The following DDX5 variants were observed in gnomAD, a reference collection of about 807,000 sequenced individuals.
The protein encoded by DDX5 is probable ATP-dependent RNA helicase DDX5.
DDX5 carries 6 observed loss-of-function variants against 68.6 expected under a neutral mutation model. The observed-to-expected ratio is 0.09, with a 90% CI of 0.05 to 0.17. The LOEUF (loss-of-function observed/expected upper bound fraction) is 0.17, where lower values mean the gene tolerates loss of function less well. DDX5 is among the 10% of genes least tolerant of loss of function. DDX5 has a pLI of 1.00. For synonymous variants in DDX5, 350 were observed against 247.0 expected (o/e 1.42, Z -3.91); for missense variants, 499 against 756.1 (o/e 0.66, Z 3.99).
intron 1 of DDX5, 185 bp downstream of exon 1, chr17:64,505,891 C>T (rs2038483578): frequency 6.5e-7 from 1 of 1,535,760 alleles, no homozygotes; most frequent in Non-Finnish European, 8.7e-7. Context: ...GAAGACACTA[C>T]ACCGTCAAAT....
At position 64,499,163 on chromosome 17, in the gene DDX5, G is replaced by A. The variant is rs1287216191; in HGVS notation, c.*760C>T. Among the ~76,000 whole-genome samples, 1 of 152,162 alleles carries A rather than the reference G, an allele frequency of 6.6e-6. No individual in the cohort carries two copies. Among genetic ancestry groups the A allele is most frequent in the Non-Finnish European group, 1.5e-5 (1 of 68,030 alleles). ...TTTCACAGGTTTGTTCAACATTTCAGTAATTCACAGTATAGCCAAGAGCAT... is the reference window on the plus strand; with the variant it reads ...TTTCACAGGTTTGTTCAACATTTCAATAATTCACAGTATAGCCAAGAGCAT... On this transcript the variant is annotated 3_prime_UTR_variant, in exon 13 of 13. Transcript: ENST00000225792.
chr17:64,498,490 A>T lies in DDX5; in HGVS notation c.*1433T>A, dbSNP rs1195511943. 6.6e-6 allele frequency among the ~76,000 whole-genome samples: 1 copy of T among 152,190 alleles called. No homozygotes were observed. Among genetic ancestry groups the T allele is most frequent in the Non-Finnish European group, 1.5e-5 (1 of 68,036 alleles). On this transcript the variant is annotated 3_prime_UTR_variant, in exon 13 of 13. Coordinates refer to ENST00000225792, the MANE Select transcript of DDX5 (RefSeq NM_004396.5). ...CCCGAAAGCTGCTTCTAAGTTTAAAACCATGAATTTGACTAACCATGCCAT... is the reference window on the plus strand; with the variant it reads ...CCCGAAAGCTGCTTCTAAGTTTAAATCCATGAATTTGACTAACCATGCCAT...
upstream of DDX5, chr17:64,506,293 G>A (rs574974369): frequency 1.1e-5 from 17 of 1,522,848 alleles, no homozygotes; most frequent in African/African-American, 4.1e-5. Context: ...ATGAGGTGCC[G>A]GCCGCTTTCC....
chr17:64,506,773 A>C, upstream of DDX5: 1 of 516,404 alleles, frequency 1.9e-6, no homozygotes, highest in South Asian at 2.2e-5. Context: ...CGCTGCTCGC[A>C]CCCCGGGACC....
rs1430823667 is a variant in DDX5, at chr17:64,498,341, C to G, written c.*1582G>C. Among the ~76,000 whole-genome samples the G allele has an allele frequency of 1.3e-5, 2 of 152,160 alleles. No homozygotes were observed. The highest frequency in any genetic ancestry group is 1.3e-4 in the Admixed American group (2 of 15,282). On this transcript the variant is annotated 3_prime_UTR_variant, in exon 13 of 13. Coordinates refer to ENST00000225792, the MANE Select transcript of DDX5 (RefSeq NM_004396.5). The stretch of plus-strand genomic sequence containing the variant: ...AAAAGTGGACTGTCTTTTAAAACTT[C>G]CAAGGTAAATAGGTAAATGTTTTCC...
chr17:64,503,160 T>C (rs371265782), intron 7 of DDX5, 28 bp downstream of exon 7: 328 of 1,613,182 alleles, frequency 2.0e-4, no homozygotes, highest in Non-Finnish European at 1.1e-4. Context: ...ACAATTCAGT[T>C]TGATCACATA....
At chr17:64,506,497 C>T (rs1167367126), upstream of DDX5, 3 of 907,966 alleles carry the variant, frequency 3.3e-6, no homozygotes, top group East Asian at 3.5e-5. Context: ...CCTCATTCTG[C>T]ACTCTCTTGA....
At chr17:64,502,872 A>C in intron 8 of DDX5, 54 bp downstream of exon 8, 1 of 1,496,044 alleles carries the variant, frequency 6.7e-7, no homozygotes, top group South Asian at 1.3e-5. Context: ...ATGATCCCTC[A>C]ATTTTACAGC....
At position 64,500,145 on chromosome 17, in the gene DDX5, G is replaced by C; in HGVS notation, c.1623C>G (p.Thr541=). 1.2e-6 allele frequency: 2 copies of C among 1,614,154 alleles called. No individual in the cohort carries two copies. The highest frequency in any genetic ancestry group is 1.1e-5 in the South Asian group (1 of 91,084). Residue 541 remains threonine, a synonymous_variant, in exon 13 of 13, where the codon ACC becomes ACG. Coordinates refer to ENST00000225792, the MANE Select transcript of DDX5 (RefSeq NM_004396.5). ...QNGVYSAANY[T]NGSFGSNFVS... is the part of the protein sequence containing the mutation. ...CAAAATTACTTCCAAAGCTCCCATT[G>C]GTGTAATTTGCAGCACTGTAAACAC...
rs1555671793 is a variant in DDX5, at chr17:64,504,716, A to G, written c.171T>C (p.Asn57=). The change falls in exon 2 of 13, where the codon AAT becomes AAC. Residue 57 remains asparagine (N), a synonymous_variant. Transcript: ENST00000225792. The stretch of plus-strand genomic sequence containing the variant: ...CCAAATCAGGGTGCTCTTGATAAAA[A>G]TTCTTCTCAAATTTAGGCAGCTCAT... The part of the protein sequence containing the change: ...NLDELPKFEK[N]FYQEHPDLAR... 4 of 1,613,674 alleles carry G rather than the reference A, an allele frequency of 2.5e-6. No homozygotes were observed. The Admixed American group carries it at 6.7e-5, about 27-fold the overall frequency.
At chr17:64,502,300 C>CAGTG in intron 9 of DDX5, 77 bp from the exon 10 acceptor site, 1 of 1,521,442 alleles carries the variant, frequency 6.6e-7, no homozygotes, top group Non-Finnish European at 9.1e-7. Context: ...CTTTTGGTCA[C>CAGTG]AGATCTCTTT....
chr17:64,500,510 G>T, intron 12 of DDX5, 39 bp downstream of exon 12: 1 of 1,579,962 alleles, frequency 6.3e-7, no homozygotes, highest in South Asian at 1.1e-5. Context: ...ACAACGATGT[G>T]ACTCGTAACT....
upstream of DDX5, chr17:64,506,821 C>G (rs1405309456): frequency 5.1e-6 from 3 of 583,358 alleles, no homozygotes; most frequent in Middle Eastern, 4.5e-4. Flanking sequence ...GTCCGACCCG[C>G]GTGTCTGATA....
intron 4 of DDX5, 39 bp from the exon 5 acceptor site, chr17:64,503,907 T>TA (rs782630367): frequency 6.2e-7 from 1 of 1,613,760 alleles, no homozygotes; most frequent in South Asian, 1.1e-5. Flanking sequence ...GAAATCACAT[T>TA]AAAATACTCG....
In DDX5 at chr17:64,499,837, T is replaced by C. The variant is rs2038250329; in HGVS notation, c.*86A>G. The C allele has an allele frequency of 2.3e-6, 3 of 1,304,330 alleles. No homozygotes were observed. Among genetic ancestry groups the C allele is most frequent in the African/African-American group, 1.5e-5 (1 of 67,868 alleles). 80.8% of individuals were successfully genotyped at this position (1,304,330 alleles called of 1,614,324 possible). A position where few individuals can be genotyped will look rare whatever the true frequency, so the allele number is the denominator to read the frequency against. Reference sequence around the variant, plus strand: ...ACTGCAGTCATTTCTGCAATTCCCATGTTTCTTAAATAACTATCTTGTCAG... The same window carrying C: ...ACTGCAGTCATTTCTGCAATTCCCACGTTTCTTAAATAACTATCTTGTCAG... On this transcript the variant is annotated 3_prime_UTR_variant, in exon 13 of 13. Coordinates refer to ENST00000225792, the MANE Select transcript of DDX5 (RefSeq NM_004396.5).
chr17:64,498,788 A>T lies in DDX5; in HGVS notation c.*1135T>A, dbSNP rs2038220342. Among the ~76,000 whole-genome samples, 1 of 152,224 alleles carries T rather than the reference A, an allele frequency of 6.6e-6. No individual in the cohort carries two copies. The highest frequency in any genetic ancestry group is 2.4e-5 in the African/African-American group (1 of 41,472). On this transcript the variant is annotated 3_prime_UTR_variant, in exon 13 of 13. Transcript: ENST00000225792. Reference sequence around the variant, plus strand: ...AAATGATTAGAAAGTTACGTTGGTGAGCCGAAGTTAAACCTAAAGCTATCC... The same window carrying T: ...AAATGATTAGAAAGTTACGTTGGTGTGCCGAAGTTAAACCTAAAGCTATCC...
intron 9 of DDX5, 77 bp downstream of exon 9, chr17:64,502,362 C>T: frequency 1.4e-6 from 2 of 1,440,878 alleles, no homozygotes. Flanking sequence ...TGAAAAAAAT[C>T]CACTGCTCGT....
Position 64,503,049 on chromosome 17 carries a change from C to G in DDX5, c.860G>C (p.Arg287Thr). The G allele has an allele frequency of 6.2e-7, 1 of 1,614,098 alleles. No homozygotes were observed. The highest frequency in any genetic ancestry group is 8.5e-7 in the Non-Finnish European group (1 of 1,179,988). ...TTTCAGGAAATCTTCAGCAAGCTGTCTTACTTCTTTTGGCCAAGTCGCACT... is the reference window on the plus strand; with the variant it reads ...TTTCAGGAAATCTTCAGCAAGCTGTGTTACTTCTTTTGGCCAAGTCGCACT... Reference protein sequence around the residue: ...MWSATWPKEVRQLAEDFLKDY... With the variant: ...MWSATWPKEVTQLAEDFLKDY... Residue 287 changes from arginine (R) to threonine (T), a missense_variant, in exon 8 of 13, where the codon AGA (arginine) becomes ACA (threonine). Around this residue, in one of 5 missense-constraint regions of DDX5, gnomAD observed 141 missense variants for 279.8 expected, o/e 0.50. Coordinates refer to ENST00000225792, the MANE Select transcript of DDX5 (RefSeq NM_004396.5).
intron 1 of DDX5, chr17:64,505,129 G>A: frequency 3.0e-6 from 1 of 330,314 alleles, no homozygotes; most frequent in Non-Finnish European, 5.5e-6. Flanking sequence ...CCAGAATTTG[G>A]GATTCTGGCA....
Sources: allele counts gnomAD v4.1 joint callset (sites outside exome capture counted in the v4.1 genomes callset), GRCh38; gene constraint gnomAD v4.1.1; regional missense constraint gnomAD v4.1.1; transcripts MANE v1.5; gene names NCBI Gene and HGNC (gene_info 2026-07-23, HGNC 2026-07-21).